ARHGAP32: variants seen among roughly 807,000 people sequenced by gnomAD.
ARHGAP32 encodes Rho GTPase activating protein 32, also known as rho GTPase-activating protein 32.
In ARHGAP32, 51 loss-of-function variants were observed where a neutral mutation model predicts 186.5. The observed-to-expected ratio is 0.27, with a 90% CI of 0.22 to 0.35. ARHGAP32 has a LOEUF of 0.35. Among genes scored for constraint, ARHGAP32 ranks in the 10% least tolerant of loss-of-function variants. ARHGAP32 has a pLI of 1.00. For synonymous variants in ARHGAP32, 950 were observed against 964.3 expected (o/e 0.99, Z 0.27); for missense variants, 2,186 against 2,623.5 (o/e 0.83, Z 3.64).
In ARHGAP32 at chr11:128,969,104, A is replaced by T; in HGVS notation, c.6109T>A (p.Tyr2037Asn). The T allele has an allele frequency of 6.2e-7, 1 of 1,605,506 alleles. No homozygotes were observed. The highest frequency in any genetic ancestry group is 8.5e-7 in the Non-Finnish European group (1 of 1,174,046). The change falls in exon 23 of 23, where the codon TAT becomes AAT. Residue 2037 changes from tyrosine (Y) to asparagine (N), a missense_variant. Transcript: ENST00000682385. This position sits in a 1 kb window ranked among gnomAD's most constrained non-coding sequence, Gnocchi z 4.8. ...GAGTGGTAATCTTCCAGGTTATCAT[A>T]CTGGGACACAACAGTCACACTGCTC... is the stretch of plus-strand genomic sequence containing the variant. ...RQSSVTVVSQ[Y>N]DNLEDYHSLP...
intron 15 of ARHGAP32, among the ~76,000 whole-genome samples, chr11:128,983,245 C>A (rs73029243): frequency 1.3e-5 from 2 of 152,084 alleles, no homozygotes; most frequent in African/African-American, 4.8e-5. Flanking sequence ...AAAGTGCCTG[C>A]GCGTTCAAGG....
chr11:128,990,248 G>A (rs1948959129), intron 12 of ARHGAP32, among the ~76,000 whole-genome samples: 1 of 152,170 alleles, frequency 6.6e-6, no homozygotes, highest in African/African-American at 2.4e-5. Context: ...AGAGGTGGCT[G>A]AGCACTGTGT....
intron 1 of ARHGAP32, among the ~76,000 whole-genome samples, chr11:129,210,566 TCTC>T (rs1255218555): frequency 6.6e-6 from 1 of 152,166 alleles, no homozygotes; most frequent in African/African-American, 2.4e-5. Flanking sequence ...TCCAAAGCAT[TCTC>T]CTTTCTGCTT....
chr11:129,258,086 C>A (rs73584237), intron 1 of ARHGAP32, among the ~76,000 whole-genome samples: 1,610 of 152,180 alleles, frequency 0.011, 27 homozygotes, highest in African/African-American at 0.036. Flanking sequence ...GTTAAGATTT[C>A]TTTAAAGGGA....
intron 1 of ARHGAP32, among the ~76,000 whole-genome samples, chr11:129,271,689 C>A (rs1203967538): frequency 6.6e-6 from 1 of 152,058 alleles, no homozygotes; most frequent in African/African-American, 2.4e-5. Flanking sequence ...TCCAAATTTT[C>A]AAGGAGTGGG....
chr11:129,163,836 T>A (rs922177453), intron 2 of ARHGAP32, among the ~76,000 whole-genome samples: 10 of 152,174 alleles, frequency 6.6e-5, no homozygotes, highest in African/African-American at 2.2e-4. Context: ...TACAAGAAAC[T>A]GCACGATCTG....
chr11:129,166,749 G>A (rs1243605071), intron 1 of ARHGAP32, among the ~76,000 whole-genome samples: 1 of 148,848 alleles, frequency 6.7e-6, no homozygotes. Flanking sequence ...ATAGTAAAGA[G>A]AATTCCTAAT....
chr11:129,191,668 A>ACGCG (rs763653053), intron 1 of ARHGAP32, among the ~76,000 whole-genome samples: 1 of 75,418 alleles, frequency 1.3e-5, no homozygotes, highest in African/African-American at 3.8e-5. Flanking sequence ...GCAGGCAGGC[A>ACGCG]CGCACACACA....
At chr11:129,142,826 GA>G (rs1380543876) in intron 2 of ARHGAP32, among the ~76,000 whole-genome samples, 2 of 151,448 alleles carry the variant, frequency 1.3e-5, no homozygotes, top group Non-Finnish European at 2.9e-5. Context: ...TAATTCTGAG[GA>G]AAAAGTGACT....
intron 1 of ARHGAP32, among the ~76,000 whole-genome samples, chr11:129,260,714 T>G (rs915845150): frequency 6.6e-6 from 1 of 152,214 alleles, no homozygotes; most frequent in Non-Finnish European, 1.5e-5. Flanking sequence ...CCTACTACTT[T>G]CTTGCGCTAA....
At chr11:129,091,184 A>G (rs999742151) in intron 6 of ARHGAP32, among the ~76,000 whole-genome samples, 3 of 152,150 alleles carry the variant, frequency 2.0e-5, no homozygotes, top group African/African-American at 7.2e-5. Flanking sequence ...AAGACACACC[A>G]ATATGGGTAA....
intron 12 of ARHGAP32, among the ~76,000 whole-genome samples, chr11:128,996,093 G>A (rs1946192423): frequency 6.6e-6 from 1 of 152,100 alleles, no homozygotes; most frequent in Admixed American, 6.5e-5. Flanking sequence ...CTATATTTAT[G>A]GCACTGGATA....
intron 12 of ARHGAP32, among the ~76,000 whole-genome samples, chr11:128,990,495 T>C (rs1011594150): frequency 6.6e-6 from 1 of 152,318 alleles, no homozygotes; most frequent in African/African-American, 2.4e-5. Flanking sequence ...GAAGGAACCT[T>C]AGTTTTCATA....
At chr11:129,245,327 T>C (rs1238672767) in intron 1 of ARHGAP32, among the ~76,000 whole-genome samples, 35 of 149,490 alleles carry the variant, frequency 2.3e-4, no homozygotes, top group Non-Finnish European at 4.1e-4. Flanking sequence ...GAAATCATCA[T>C]TCTCAGTAAA....
In ARHGAP32 at chr11:128,970,651, A is replaced by G; in HGVS notation, c.4562T>C (p.Val1521Ala). The change falls in exon 23 of 23, where the codon GTA (valine) becomes GCA (alanine). Residue 1521 changes from valine (V) to alanine (A), a missense_variant. By Grantham distance (64) the Val-to-Ala change is moderately conservative (BLOSUM62 0). This residue lies in a region of ARHGAP32 where 1,502 missense variants were observed against 1,570.0 expected (regional missense o/e 0.96). Transcript: ENST00000682385. This position sits in a 1 kb window ranked among gnomAD's most constrained non-coding sequence, Gnocchi z 5.8. ...CTCCAATTTATTGTGATGGGGAGGTACACTCTGGGGACGGTACTGGCAGTT... is the reference window on the plus strand; with the variant it reads ...CTCCAATTTATTGTGATGGGGAGGTGCACTCTGGGGACGGTACTGGCAGTT... ...TPNCQYRPQS[V>A]PPHHNKLEQH... is the part of the protein sequence containing the mutation. The G allele has an allele frequency of 6.2e-7, 1 of 1,614,162 alleles. No individual in the cohort carries two copies. The highest frequency in any genetic ancestry group is 8.5e-7 in the Non-Finnish European group (1 of 1,180,016).
chr11:129,059,448 G>T (rs1172536212), intron 10 of ARHGAP32, among the ~76,000 whole-genome samples: 2 of 151,466 alleles, frequency 1.3e-5, no homozygotes, highest in East Asian at 1.9e-4. Flanking sequence ...TGTAGAAACA[G>T]CAAGGAATGC....
chr11:128,966,302 T>C lies in ARHGAP32; in HGVS notation c.*2605A>G, dbSNP rs1166704014. ...AAGTAATAACATTCAGTTACCCCAT[T>C]TGTGAAGTCCCCCATTTGTGAAGTC... is the stretch of plus-strand genomic sequence containing the variant. On this transcript the variant is annotated 3_prime_UTR_variant, in exon 23 of 23. Transcript: ENST00000682385. 3.3e-5 allele frequency: 5 copies of C among 152,180 alleles called. No individual in the cohort carries two copies. Among genetic ancestry groups the C allele is most frequent in the Non-Finnish European group, 5.9e-5 (4 of 68,040 alleles). The allele number at this position is 152,180 out of a possible 1,614,324, so 9.4% of individuals were successfully genotyped here.
intron 15 of ARHGAP32, among the ~76,000 whole-genome samples, chr11:128,982,474 C>T (rs919002549): frequency 5.4e-5 from 8 of 147,362 alleles, no homozygotes; most frequent in Non-Finnish European, 9.0e-5. Context: ...AGGTAAGTGC[C>T]GTGTGTGTGT....
At chr11:128,988,146 AAC>A in intron 12 of ARHGAP32, 21 bp from the exon 13 acceptor site, 1 of 1,583,214 alleles carries the variant, frequency 6.3e-7, no homozygotes, top group South Asian at 1.1e-5. Context: ...TTTGTAAAGA[AAC>A]AGATGAAATT....
Sources: gnomAD v4.1 joint callset for allele counts (sites outside exome capture counted in the v4.1 genomes callset) on GRCh38, gnomAD v4.1.1 for gene constraint, gnomAD v4.1.1 regional missense constraint, Gnocchi (gnomAD v3.1) non-coding constraint, MANE v1.5 for transcripts, NCBI Gene and HGNC (gene_info 2026-07-23, HGNC 2026-07-21) for gene names.